TRPC7: variants seen among roughly 807,000 people sequenced by gnomAD.
The protein encoded by TRPC7 is short transient receptor potential channel 7.
In TRPC7, 42 loss-of-function variants were observed where a neutral mutation model predicts 90.1. The observed-to-expected ratio is 0.47, with a 90% CI of 0.36 to 0.60. The LOEUF is 0.60. TRPC7 is among the 20% of genes least tolerant of loss of function. TRPC7 has a pLI of 0.00. For missense variants in TRPC7, 955 were observed against 1,112.3 expected, an observed-to-expected ratio of 0.86 and a Z score of 2.01; for synonymous variants, 451 against 436.3, an observed-to-expected ratio of 1.03 and a Z score of -0.42.
chr5:136,216,001 C>A (rs1261655756), intron 11 of TRPC7, among the ~76,000 whole-genome samples, 199 bp downstream of exon 11: 3 of 152,168 alleles, frequency 2.0e-5, no homozygotes, highest in African/African-American at 7.2e-5. Flanking sequence ...CCAGCTGTGG[C>A]CAGCAAGGCA....
At chr5:136,238,854 A>G (rs2149800343) in intron 7 of TRPC7, among the ~76,000 whole-genome samples, 1 of 152,366 alleles carries the variant, frequency 6.6e-6, no homozygotes, top group Non-Finnish European at 1.5e-5. Flanking sequence ...TTACGATAGT[A>G]GAGTGTCTGT....
chr5:136,297,211 G>A (rs781217232), intron 3 of TRPC7, among the ~76,000 whole-genome samples: 5 of 152,132 alleles, frequency 3.3e-5, no homozygotes, highest in African/African-American at 4.8e-5. Flanking sequence ...GTTTGATAAA[G>A]GGTTGGATTC....
intron 2 of TRPC7, among the ~76,000 whole-genome samples, chr5:136,324,272 T>C (rs550484636): frequency 6.6e-5 from 10 of 152,150 alleles, no homozygotes; most frequent in Admixed American, 3.3e-4. Flanking sequence ...CTAGTTCAAA[T>C]GTATTTCTTA....
intron 3 of TRPC7, 36 bp downstream of exon 3, chr5:136,315,561 T>G: frequency 1.3e-6 from 2 of 1,587,074 alleles, no homozygotes; most frequent in East Asian, 4.6e-5. Context: ...AGAAGAGAGG[T>G]GAGATGGGAA....
chr5:136,327,995 G>A (rs1759395001), intron 2 of TRPC7, among the ~76,000 whole-genome samples: 1 of 152,184 alleles, frequency 6.6e-6, no homozygotes, highest in Non-Finnish European at 1.5e-5. Flanking sequence ...TATGGCAGAT[G>A]AAAATTGAAA....
chr5:136,253,250 G>A (rs554385848), intron 5 of TRPC7, among the ~76,000 whole-genome samples: 1 of 152,146 alleles, frequency 6.6e-6, no homozygotes, highest in South Asian at 2.1e-4. Context: ...TGCTTGCCCT[G>A]TATTTCTATT....
intron 3 of TRPC7, among the ~76,000 whole-genome samples, chr5:136,295,238 T>G (rs893819285): frequency 6.6e-6 from 1 of 152,124 alleles, no homozygotes; most frequent in Non-Finnish European, 1.5e-5. Flanking sequence ...TGTATACATA[T>G]GTAACAAACC....
chr5:136,215,893 A>T (rs1276295019), intron 11 of TRPC7, among the ~76,000 whole-genome samples: 3 of 150,728 alleles, frequency 2.0e-5, no homozygotes. Context: ...ATGGAAGATG[A>T]GGCAGGGCAA....
chr5:136,279,906 C>G (rs1203144856), intron 3 of TRPC7, among the ~76,000 whole-genome samples: 3 of 152,072 alleles, frequency 2.0e-5, no homozygotes, highest in African/African-American at 7.2e-5. Context: ...CCCAACTTCC[C>G]CTTTGGGAGG....
At chr5:136,241,588 C>A (rs1034333847) in intron 7 of TRPC7, among the ~76,000 whole-genome samples, 2 of 151,772 alleles carry the variant, frequency 1.3e-5, no homozygotes, top group African/African-American at 4.8e-5. Context: ...TGTAGTCTCA[C>A]TCTGTCACCC....
chr5:136,240,967 T>C (rs541169655), intron 7 of TRPC7, among the ~76,000 whole-genome samples: 20 of 152,176 alleles, frequency 1.3e-4, no homozygotes, highest in African/African-American at 4.6e-4. Flanking sequence ...TACGTGAAGC[T>C]CAGCCTTGAA....
intron 10 of TRPC7, 99 bp downstream of exon 10, chr5:136,225,175 G>T: frequency 2.0e-6 from 2 of 1,012,104 alleles, no homozygotes; most frequent in Non-Finnish European, 1.5e-6. Flanking sequence ...AAGGAATGAA[G>T]CTGTGTTCTC....
At chr5:136,329,470 T>C (rs10055133) in intron 2 of TRPC7, among the ~76,000 whole-genome samples, 58,325 of 151,804 alleles carry the variant, frequency 0.38, 11,570 homozygotes, top group Middle Eastern at 0.49. Flanking sequence ...GAGTTTCGGA[T>C]ATCACGGGGT....
intron 7 of TRPC7, among the ~76,000 whole-genome samples, chr5:136,235,050 C>T (rs1311073396): frequency 6.6e-6 from 1 of 152,040 alleles, no homozygotes; most frequent in Non-Finnish European, 1.5e-5. Context: ...TTACATAATT[C>T]TGGGCTGGGG....
intron 2 of TRPC7, among the ~76,000 whole-genome samples, chr5:136,346,258 A>G (rs1453270768): frequency 1.3e-5 from 2 of 152,188 alleles, no homozygotes; most frequent in South Asian, 4.1e-4. Flanking sequence ...AAAAATTAAA[A>G]AAATGAACTA....
At chr5:136,333,817 G>A (rs1272544471) in intron 2 of TRPC7, among the ~76,000 whole-genome samples, 1 of 152,200 alleles carries the variant, frequency 6.6e-6, no homozygotes. Flanking sequence ...GTCTGATGGA[G>A]TTATAGATGA....
intron 3 of TRPC7, among the ~76,000 whole-genome samples, chr5:136,308,834 A>G (rs1758733213): frequency 6.6e-6 from 1 of 152,224 alleles, no homozygotes; most frequent in African/African-American, 2.4e-5. Context: ...TTTATGTCCC[A>G]TATCAGCAGG....
At chr5:136,280,986 AG>A (rs1228207047) in intron 3 of TRPC7, among the ~76,000 whole-genome samples, 1 of 152,226 alleles carries the variant, frequency 6.6e-6, no homozygotes, top group African/African-American at 2.4e-5. Context: ...ACTGGAACCC[AG>A]GCCAGTTTGA....
intron 4 of TRPC7, among the ~76,000 whole-genome samples, chr5:136,272,524 G>A (rs1002189609): frequency 2.0e-5 from 3 of 152,152 alleles, no homozygotes; most frequent in African/African-American, 4.8e-5. Flanking sequence ...TGCTTGTAAT[G>A]AGCAGTGCCA....
Sources: allele counts gnomAD v4.1 joint callset (sites outside exome capture counted in the v4.1 genomes callset), GRCh38; gene constraint gnomAD v4.1.1; transcripts MANE v1.5; gene names NCBI Gene and HGNC (gene_info 2026-07-23, HGNC 2026-07-21).